Variants in MICAL2 observed in about 807,000 individuals in gnomAD.
MICAL2 encodes the protein [F-actin]-monooxygenase MICAL2.
A neutral mutation model predicts 127.3 loss-of-function variants in MICAL2; 77 were observed. The ratio of observed to expected loss-of-function variants is 0.60; its 90% CI spans 0.50 to 0.73. MICAL2 has a LOEUF of 0.73. MICAL2 is among the 30% of genes least tolerant of loss of function. The pLI is 0.00. For missense variants in MICAL2, 1,351 were observed against 1,434.4 expected (o/e 0.94, Z 0.94); for synonymous variants, 570 against 551.1 (o/e 1.03, Z -0.48).
chr11:12,160,362 C>T (rs1019129108), intron 2 of MICAL2, among the ~76,000 whole-genome samples: 1 of 152,144 alleles, frequency 6.6e-6, no homozygotes, highest in African/African-American at 2.4e-5. Context: ...TCCACTGCTG[C>T]CCTATCATCT....
intron 29 of MICAL2, among the ~76,000 whole-genome samples, chr11:12,300,032 C>G (rs1470108957): frequency 6.6e-6 from 1 of 152,110 alleles, no homozygotes; most frequent in Non-Finnish European, 1.5e-5. Flanking sequence ...TGGTGGCTCA[C>G]AAATGTAATC....
At chr11:12,290,607 C>T (rs1590723350), downstream of MICAL2, among the ~76,000 whole-genome samples, 1 of 152,162 alleles carries the variant, frequency 6.6e-6, no homozygotes, top group East Asian at 1.9e-4. Context: ...TAATCGTGGG[C>T]TGCGATGGGG....
At position 12,162,404 on chromosome 11, in the gene MICAL2, G is replaced by C; in HGVS notation, c.249G>C (p.Ser83=). ...GSHKEYKRGK[S]CTNTKCLIVG... ...ACAAAGAGTATAAGCGAGGGAAGTC[G>C]TGCACGAACACCAAGGTAAGGGGAA... Residue 83 remains serine (S), a synonymous_variant, in exon 3 of 28, where the codon TCG becomes TCC. Coordinates refer to ENST00000683283, the MANE Select transcript of MICAL2 (RefSeq NM_001282663.2). 1 of 1,614,218 alleles carries C rather than the reference G, an allele frequency of 6.2e-7. No homozygotes were observed. The highest frequency in any genetic ancestry group is 8.5e-7 in the Non-Finnish European group (1 of 1,180,026).
intron 2 of MICAL2, among the ~76,000 whole-genome samples, chr11:12,157,796 A>G (rs1854354585): frequency 6.6e-6 from 1 of 152,198 alleles, no homozygotes; most frequent in Admixed American, 6.5e-5. Context: ...TTTGAAGCTC[A>G]GAATCACTGA....
intron 32 of MICAL2, among the ~76,000 whole-genome samples, chr11:12,335,427 T>C (rs1288611539): frequency 6.6e-6 from 1 of 152,168 alleles, no homozygotes; most frequent in Non-Finnish European, 1.5e-5. Flanking sequence ...GTTGGTAGTT[T>C]CTTTTGCTGT....
At chr11:12,271,090 G>A (rs897355228), upstream of MICAL2, among the ~76,000 whole-genome samples, 20 of 152,146 alleles carry the variant, frequency 1.3e-4, no homozygotes, top group African/African-American at 4.1e-4. Flanking sequence ...CCTTGGACCC[G>A]GCACTTAGGA....
intron 26 of MICAL2, chr11:12,260,357 T>A: frequency 5.8e-6 from 8 of 1,377,410 alleles, no homozygotes; most frequent in Non-Finnish European, 7.5e-6. Flanking sequence ...CTCACGGTGC[T>A]AGGGCCAGGG....
At chr11:12,165,702 C>T (rs748136305) in intron 3 of MICAL2, among the ~76,000 whole-genome samples, 1 of 152,222 alleles carries the variant, frequency 6.6e-6, no homozygotes, top group African/African-American at 2.4e-5. Flanking sequence ...GCCTCCGTGC[C>T]ACCATATGTG....
chr11:12,307,254 G>T (rs1864122662), intron 29 of MICAL2, among the ~76,000 whole-genome samples: 1 of 152,084 alleles, frequency 6.6e-6, no homozygotes, highest in South Asian at 2.1e-4. Flanking sequence ...TGGTAAAGTA[G>T]CTTTCAAATC....
chr11:12,240,725 AC>A (rs1026229265), intron 17 of MICAL2, among the ~76,000 whole-genome samples: 1 of 152,102 alleles, frequency 6.6e-6, no homozygotes, highest in African/African-American at 2.4e-5. Flanking sequence ...TGGCCTAGCC[AC>A]CCTGGCCTGG....
At chr11:12,113,124 G>C (rs971508990) in intron 1 of MICAL2, among the ~76,000 whole-genome samples, 1 of 152,218 alleles carries the variant, frequency 6.6e-6, no homozygotes, top group Non-Finnish European at 1.5e-5. Flanking sequence ...ATTCTTTAAA[G>C]AGTCAGAGAA....
Position 12,204,134 on chromosome 11 carries a change from C to T in MICAL2, c.265-116C>T, listed in dbSNP as rs1854372966. ...GGCCCTAACAGGTACACAGCTTGCA[C>T]TTGCTGGTTGGTTCAGGAAGAGTGG... On this transcript the variant is annotated intron_variant, in intron 3 of 27. Coordinates refer to ENST00000683283, the MANE Select transcript of MICAL2 (RefSeq NM_001282663.2). The T allele has an allele frequency of 3.1e-6, 3 of 955,924 alleles. No individual in the cohort carries two copies. The South Asian group carries it at 4.6e-5, about 15-fold the overall frequency. 59.2% of individuals were successfully genotyped at this position (955,924 alleles called of 1,614,324 possible).
chr11:12,335,215 C>A (rs28871058), intron 32 of MICAL2, among the ~76,000 whole-genome samples: 102,612 of 149,994 alleles, frequency 0.68, 35,603 homozygotes, highest in Middle Eastern at 0.74. Context: ...GATGATGAGC[C>A]TCTTTTCATG....
chr11:12,163,302 TGG>T (rs1855065922), intron 3 of MICAL2, among the ~76,000 whole-genome samples: 1 of 152,196 alleles, frequency 6.6e-6, no homozygotes, highest in Admixed American at 6.5e-5. Flanking sequence ...CCCTGAGCAC[TGG>T]TGCAGGCTGT....
rs746423630 is a variant in MICAL2, at chr11:12,221,638, T to A, written c.1207-6T>A. On this transcript the variant is annotated splice_polypyrimidine_tract_variant and splice_region_variant and intron_variant, in intron 9 of 27. Transcript: ENST00000683283. ...CAACTGGAATTTTGCACGTTTTCTTTTGCAGCCATTTTGGCCCATGGGTAC... is the reference window on the plus strand; with the variant it reads ...CAACTGGAATTTTGCACGTTTTCTTATGCAGCCATTTTGGCCCATGGGTAC... 6.2e-7 allele frequency: 1 copy of A among 1,601,642 alleles called. No homozygotes were observed. Among genetic ancestry groups the A allele is most frequent in the East Asian group, 2.2e-5 (1 of 44,602 alleles).
At chr11:12,275,043 G>A (rs1255169004), upstream of MICAL2, among the ~76,000 whole-genome samples, 3 of 152,096 alleles carry the variant, frequency 2.0e-5, no homozygotes, top group African/African-American at 4.8e-5. Context: ...GATTCCCGAC[G>A]TGTTTTGAAG....
At chr11:12,242,880 G>A (rs1860178383) in intron 20 of MICAL2, 108 bp downstream of exon 20, 4 of 705,562 alleles carry the variant, frequency 5.7e-6, no homozygotes, top group Admixed American at 7.3e-5. Context: ...TCCTTTTAGA[G>A]CATGAAGAGC....
At chr11:12,209,124 C>T (rs1395426469) in intron 5 of MICAL2, among the ~76,000 whole-genome samples, 4 of 152,078 alleles carry the variant, frequency 2.6e-5, no homozygotes, top group Non-Finnish European at 4.4e-5. Flanking sequence ...CCTTTTGGGT[C>T]TGTTTAGCAA....
chr11:12,319,304 C>G (rs1290939083), intron 29 of MICAL2, among the ~76,000 whole-genome samples: 2 of 152,166 alleles, frequency 1.3e-5, no homozygotes, highest in African/African-American at 2.4e-5. Flanking sequence ...CAGAACGAAC[C>G]TTACACAAGC....
Sources: allele counts gnomAD v4.1 joint callset (sites outside exome capture counted in the v4.1 genomes callset), GRCh38; gene constraint gnomAD v4.1.1; transcripts MANE v1.5; gene names NCBI Gene and HGNC (gene_info 2026-07-23, HGNC 2026-07-21).